SKI: variants seen among roughly 807,000 people sequenced by gnomAD.
SKI encodes the protein ski oncogene.
A neutral mutation model predicts 59.3 loss-of-function variants in SKI; 23 were observed. The ratio of observed to expected loss-of-function variants is 0.39; its 90% CI spans 0.28 to 0.55. The LOEUF (loss-of-function observed/expected upper bound fraction) is 0.55. Among genes scored for constraint, SKI ranks in the 20% least tolerant of loss-of-function variants. The probability of loss-of-function intolerance (pLI) is 0.67; values close to 1 mark genes in which losing one functional copy is unlikely to be tolerated. For synonymous variants in SKI, 673 were observed against 488.6 expected, an observed-to-expected ratio of 1.38 and a Z score of -4.98; for missense variants, 1,017 against 1,038.9, an observed-to-expected ratio of 0.98 and a Z score of 0.29.
intron 1 of SKI, among the ~76,000 whole-genome samples, chr1:2,248,415 A>G (rs1639045049): frequency 6.6e-6 from 1 of 152,194 alleles, no homozygotes; most frequent in African/African-American, 2.4e-5. Context: ...ACTGTTGAAT[A>G]TTAATGAGGG....
intron 1 of SKI, among the ~76,000 whole-genome samples, chr1:2,273,589 C>G (rs976026889): frequency 5.3e-5 from 8 of 152,142 alleles, no homozygotes; most frequent in Admixed American, 6.5e-5. Context: ...GCCTTGTGAG[C>G]CAGGGCAGAG....
chr1:2,288,646 T>C (rs1003936750), intron 1 of SKI, among the ~76,000 whole-genome samples: 1 of 152,220 alleles, frequency 6.6e-6, no homozygotes, highest in African/African-American at 2.4e-5. Flanking sequence ...CCTTCCCTTG[T>C]CCTGAGTGGC....
intron 1 of SKI, among the ~76,000 whole-genome samples, chr1:2,271,531 C>T (rs1639619500): frequency 6.6e-6 from 1 of 152,182 alleles, no homozygotes; most frequent in Admixed American, 6.5e-5. Flanking sequence ...CGCGGAGTGC[C>T]CGGCTGCCCT....
rs1225694609 is a variant in SKI at position 2,304,567 on chromosome 1, C to T, written c.1749C>T (p.Ala583=). ...AGAAGCTCAGCGCAGCCCTGCAGGC[C>T]AAGCGCAGCCTCCACCAGGTGAGCG... is the stretch of plus-strand genomic sequence containing the variant. ...QEEKLSAALQ[A]KRSLHQELEF... Residue 583 remains alanine (A), a synonymous_variant, in exon 5 of 7, where the codon GCC becomes GCT. Coordinates refer to ENST00000378536, the MANE Select transcript of SKI (RefSeq NM_003036.4). 1 of 1,560,540 alleles carries T rather than the reference C, an allele frequency of 6.4e-7. No individual in the cohort carries two copies.
At chr1:2,240,609 T>C (rs762176133) in intron 1 of SKI, 9 of 985,332 alleles carry the variant, frequency 9.1e-6, no homozygotes, top group Non-Finnish European at 1.1e-5. Context: ...AGAAGCAGAG[T>C]TCTCTTTAGC....
At chr1:2,300,658 C>T (rs918775693) in intron 1 of SKI, among the ~76,000 whole-genome samples, 2 of 152,224 alleles carry the variant, frequency 1.3e-5, no homozygotes, top group South Asian at 2.1e-4. Context: ...CTATTTTACA[C>T]GTTTCTCTCC....
At chr1:2,266,862 G>A (rs996355753) in intron 1 of SKI, among the ~76,000 whole-genome samples, 5 of 152,172 alleles carry the variant, frequency 3.3e-5, no homozygotes, top group Admixed American at 2.6e-4. Flanking sequence ...AGTTGCTCAG[G>A]GCCAAGTTTC....
At position 2,268,890 on chromosome 1, in the gene SKI, C is replaced by A. The variant is rs1639555496; in HGVS notation, c.970-34088C>A. Among the ~76,000 whole-genome samples the A allele has an allele frequency of 2.1e-5, 3 of 139,586 alleles. No homozygotes were observed. The highest frequency in any genetic ancestry group is 7.8e-5 in the African/African-American group (3 of 38,552). 91.6% of individuals were successfully genotyped at this position (139,586 alleles called of 152,430 possible). On this transcript the variant is annotated intron_variant, in intron 1 of 6. Transcript: ENST00000378536. This position sits in a 1 kb window ranked among gnomAD's most constrained non-coding sequence, Gnocchi z 5.0. ...CTTCTGCCTTTCCCCTTTATCCTTTCCCCCCTTCCATGTCCATTTCCCTTT... is the reference window on the plus strand; with the variant it reads ...CTTCTGCCTTTCCCCTTTATCCTTTACCCCCTTCCATGTCCATTTCCCTTT...
intron 1 of SKI, among the ~76,000 whole-genome samples, chr1:2,256,958 C>T (rs777420711): frequency 3.3e-5 from 5 of 152,202 alleles, no homozygotes; most frequent in Non-Finnish European, 1.5e-5. Context: ...CTCGGTGCTC[C>T]CTAGGGCTGG....
At chr1:2,293,263 C>G (rs942376754) in intron 1 of SKI, among the ~76,000 whole-genome samples, 4 of 152,168 alleles carry the variant, frequency 2.6e-5, no homozygotes, top group South Asian at 2.1e-4. Context: ...CATGTTAGAC[C>G]TGAGGTTCGT....
At position 2,306,971 on chromosome 1, in the gene SKI, T is replaced by G. The variant is rs1466294646; in HGVS notation, c.*206T>G. Reference sequence around the variant, plus strand: ...GCCAAGTTCAAGTGAGTAAGCCGCGTCCCCCAACTACAGCTGGAGACGGGG... The same window carrying G: ...GCCAAGTTCAAGTGAGTAAGCCGCGGCCCCCAACTACAGCTGGAGACGGGG... On this transcript the variant is annotated 3_prime_UTR_variant, in exon 7 of 7. Transcript: ENST00000378536. 2 of 329,206 alleles carry G rather than the reference T, an allele frequency of 6.1e-6. No individual in the cohort carries two copies. Among genetic ancestry groups the G allele is most frequent in the Non-Finnish European group, 5.5e-6 (1 of 183,138 alleles). The allele number at this position is 329,206 out of a possible 1,614,324, so 20.4% of individuals were successfully genotyped here.
intron 1 of SKI, among the ~76,000 whole-genome samples, chr1:2,248,520 G>A (rs954845612): frequency 2.6e-5 from 4 of 152,210 alleles, no homozygotes; most frequent in African/African-American, 7.2e-5. Context: ...CAACTGTGAC[G>A]GTGCTGGTTG....
chr1:2,279,146 T>C (rs931136218), intron 1 of SKI, among the ~76,000 whole-genome samples: 23 of 152,092 alleles, frequency 1.5e-4, no homozygotes, highest in African/African-American at 5.3e-4. Context: ...CACCGCCCCA[T>C]TGGGCGCCTG....
chr1:2,247,167 C>T (rs1182005162), intron 1 of SKI, among the ~76,000 whole-genome samples: 4 of 152,198 alleles, frequency 2.6e-5, no homozygotes, highest in East Asian at 1.9e-4. Context: ...TGCAGTGAGC[C>T]GAGATTGTGC....
chr1:2,255,300 T>A (rs1378779007), intron 1 of SKI, among the ~76,000 whole-genome samples: 1 of 152,030 alleles, frequency 6.6e-6, no homozygotes, highest in Non-Finnish European at 1.5e-5. Context: ...CTTAGACCTG[T>A]ACCTGCCACA....
chr1:2,298,487 G>A (rs1463354455), intron 1 of SKI, among the ~76,000 whole-genome samples: 1 of 152,114 alleles, frequency 6.6e-6, no homozygotes. Flanking sequence ...GCCTGTCCCC[G>A]GGCCGGATGG....
intron 5 of SKI, among the ~76,000 whole-genome samples, chr1:2,305,214 C>T (rs1049002582): frequency 2.6e-5 from 4 of 152,224 alleles, no homozygotes; most frequent in East Asian, 1.9e-4. Context: ...GGTCTCGCGC[C>T]TCCTTTTACG....
intron 5 of SKI, 70 bp downstream of exon 5, chr1:2,304,655 G>C (rs1195041979): frequency 2.0e-6 from 3 of 1,480,250 alleles, no homozygotes; most frequent in Non-Finnish European, 2.7e-6. Flanking sequence ...CAGGTGAACG[G>C]GCACAGGTGG....
intron 1 of SKI, among the ~76,000 whole-genome samples, chr1:2,293,153 C>A (rs1286488037): frequency 2.0e-5 from 3 of 152,204 alleles, no homozygotes; most frequent in African/African-American, 7.2e-5. Context: ...GCGGGGCAGG[C>A]CAGTGTGAGC....
Sources: gnomAD v4.1 joint callset for allele counts (sites outside exome capture counted in the v4.1 genomes callset) on GRCh38, gnomAD v4.1.1 for gene constraint, Gnocchi (gnomAD v3.1) non-coding constraint, MANE v1.5 for transcripts, NCBI Gene and HGNC (gene_info 2026-07-23, HGNC 2026-07-21) for gene names.